Variants in FXR1 observed in about 807,000 individuals in gnomAD.
FXR1 encodes the protein FMR1 autosomal homolog 1.
FXR1 carries 15 observed loss-of-function variants against 84.0 expected under a neutral mutation model. That is an observed-to-expected ratio of 0.18 (90% CI 0.12 to 0.27). The LOEUF (loss-of-function observed/expected upper bound fraction) is 0.27, where lower values mean the gene tolerates loss of function less well. FXR1 is among the 10% of genes least tolerant of loss of function. The pLI is 1.00. For missense variants in FXR1, 480 were observed against 774.4 expected (o/e 0.62, Z 4.51); for synonymous variants, 245 against 250.7 (o/e 0.98, Z 0.21).
At chr3:180,931,015 C>T (rs904855983) in intron 1 of FXR1, among the ~76,000 whole-genome samples, 3 of 75,672 alleles carry the variant, frequency 4.0e-5, no homozygotes, top group South Asian at 4.9e-4. Flanking sequence ...GGCAACAGAG[C>T]GAGACTGCCT....
intron 13 of FXR1, among the ~76,000 whole-genome samples, chr3:180,965,275 A>G (rs933423195): frequency 1.4e-4 from 22 of 152,062 alleles, no homozygotes; most frequent in Non-Finnish European, 2.4e-4. Flanking sequence ...CTCGCCTCCC[A>G]AAGTGCTGGG....
chr3:180,949,156 A>T, intron 6 of FXR1, 71 bp from the exon 7 acceptor site: 1 of 823,352 alleles, frequency 1.2e-6, no homozygotes, highest in East Asian at 2.4e-5. Context: ...CTTTGCATAG[A>T]AGATGGGATG....
intron 3 of FXR1, among the ~76,000 whole-genome samples, chr3:180,943,035 C>T (rs1326532220): frequency 2.6e-5 from 4 of 151,242 alleles, no homozygotes; most frequent in South Asian, 2.1e-4. Context: ...GGCGTGATCT[C>T]GGCTCACTGC....
At chr3:180,943,583 C>G (rs1288403037) in intron 3 of FXR1, among the ~76,000 whole-genome samples, 2 of 152,016 alleles carry the variant, frequency 1.3e-5, no homozygotes, top group African/African-American at 4.8e-5. Context: ...GTTTTTGATT[C>G]AGGCTTAGGA....
Position 180,947,856 on chromosome 3 carries a change from T to C in FXR1, c.199-9T>C, listed in dbSNP as rs755577535. The stretch of plus-strand genomic sequence containing the variant: ...ATGAATGGATATAGGCATTTTTTTT[T>C]CTTCTCAGGTATATTCAAGAGCAAA... On this transcript the variant is annotated splice_polypyrimidine_tract_variant and intron_variant, in intron 3 of 16. Transcript: ENST00000357559. 1.3e-6 allele frequency: 2 copies of C among 1,562,828 alleles called. No individual in the cohort carries two copies. Among genetic ancestry groups the C allele is most frequent in the African/African-American group, 1.4e-5 (1 of 73,228 alleles).
chr3:180,944,938 T>C (rs928679272), intron 3 of FXR1, among the ~76,000 whole-genome samples: 13 of 152,252 alleles, frequency 8.5e-5, no homozygotes, highest in Admixed American at 6.5e-5. Flanking sequence ...TTAGACATTT[T>C]AGTGAGGGTT....
intron 1 of FXR1, among the ~76,000 whole-genome samples, chr3:180,926,801 T>C (rs937519377): frequency 4.6e-5 from 7 of 151,972 alleles, no homozygotes; most frequent in African/African-American, 7.2e-5. Flanking sequence ...TGAATTGAAA[T>C]GGTAGGAAGG....
At chr3:180,953,201 A>G (rs1722410052) in intron 8 of FXR1, among the ~76,000 whole-genome samples, 1 of 152,254 alleles carries the variant, frequency 6.6e-6, no homozygotes, top group Admixed American at 6.5e-5. Flanking sequence ...ATTGAGAAGT[A>G]GAAAGTCTGT....
chr3:180,913,661 T>A (rs895039370), intron 1 of FXR1, among the ~76,000 whole-genome samples: 1 of 152,136 alleles, frequency 6.6e-6, no homozygotes, highest in African/African-American at 2.4e-5. Flanking sequence ...TATCTGAAAA[T>A]GAAATCCTAA....
chr3:180,956,862 TCAGG>T (rs1344428650), intron 9 of FXR1, among the ~76,000 whole-genome samples: 1 of 152,204 alleles, frequency 6.6e-6, no homozygotes, highest in Non-Finnish European at 1.5e-5. Flanking sequence ...TAGAAACTGT[TCAGG>T]CATGCAACAG....
chr3:180,951,533 T>TA, intron 8 of FXR1, 65 bp downstream of exon 8: 2 of 1,164,018 alleles, frequency 1.7e-6, no homozygotes, highest in Non-Finnish European at 2.5e-6. Flanking sequence ...ATTATATTTT[T>TA]ATCTGAAATT....
chr3:180,916,437 GGGTGGGAGCACAGT>G (rs1280336941), intron 1 of FXR1, among the ~76,000 whole-genome samples: 8 of 151,976 alleles, frequency 5.3e-5, no homozygotes, highest in Admixed American at 6.6e-5. Context: ...TCTTTTGCCC[GGGTGGGAGCACAGT>G]GGTGGGAGCG....
intron 1 of FXR1, among the ~76,000 whole-genome samples, chr3:180,921,330 A>G (rs1167237906): frequency 6.6e-6 from 1 of 151,556 alleles, no homozygotes; most frequent in Non-Finnish European, 1.5e-5. Context: ...GTGAGCCAAG[A>G]TCACGCCACT....
chr3:180,916,950 T>G (rs1717966794), intron 1 of FXR1, among the ~76,000 whole-genome samples: 1 of 152,154 alleles, frequency 6.6e-6, no homozygotes, highest in Admixed American at 6.5e-5. Flanking sequence ...TTCTCCTGCC[T>G]CAGCCTCCTG....
At chr3:180,915,143 GA>G in intron 1 of FXR1, 2 of 204,014 alleles carry the variant, frequency 9.8e-6, no homozygotes, top group Non-Finnish European at 2.0e-5. Context: ...TTATTGCACA[GA>G]AGTTTATTGC....
At position 180,946,543 on chromosome 3, in the gene FXR1, G is replaced by A. The variant is rs117568483; in HGVS notation, c.199-1322G>A. Among the ~76,000 whole-genome samples the A allele has an allele frequency of 1.7e-3, 255 of 152,282 alleles. 8 individuals are homozygous for A. In the East Asian group the frequency reaches 0.035, roughly 21 times the overall value. On this transcript the variant is annotated intron_variant, in intron 3 of 16. Coordinates refer to ENST00000357559, the MANE Select transcript of FXR1 (RefSeq NM_005087.4). ...AGATATTGATCCCTTTGAATAGTTA[G>A]ATCTGTTTATAAAAGAAATGGAAAA... is the stretch of plus-strand genomic sequence containing the variant.
At chr3:180,937,794 A>G (rs987655084) in intron 3 of FXR1, among the ~76,000 whole-genome samples, 5 of 151,900 alleles carry the variant, frequency 3.3e-5, no homozygotes, top group Non-Finnish European at 5.9e-5. Flanking sequence ...CCCCTTCTTT[A>G]AATTTAAAGT....
At chr3:180,952,626 C>G (rs189538362) in intron 8 of FXR1, among the ~76,000 whole-genome samples, 194 of 151,466 alleles carry the variant, frequency 1.3e-3, no homozygotes, top group African/African-American at 4.5e-3. Context: ...TTGGAATTCA[C>G]TTTAAGTAGG....
At chr3:180,947,621 T>C (rs905729202) in intron 3 of FXR1, among the ~76,000 whole-genome samples, 7 of 152,318 alleles carry the variant, frequency 4.6e-5, no homozygotes, top group African/African-American at 4.8e-5. Context: ...TACTTATGTT[T>C]AGTAAACCTC....
Sources: gnomAD v4.1 joint callset for allele counts (sites outside exome capture counted in the v4.1 genomes callset) on GRCh38, gnomAD v4.1.1 for gene constraint, MANE v1.5 for transcripts, NCBI Gene and HGNC (gene_info 2026-07-23, HGNC 2026-07-21) for gene names.